Variants in ARSB observed in about 807,000 individuals in gnomAD.
The protein encoded by ARSB is N-acetylgalactosamine-4-sulfatase.
ARSB carries 41 observed loss-of-function variants against 50.9 expected under a neutral mutation model. The ratio of observed to expected loss-of-function variants is 0.81; its 90% confidence interval spans 0.63 to 1.04. The LOEUF is 1.04. Among genes scored for constraint, ARSB ranks in the 50% least tolerant of loss-of-function variants. The pLI, the probability that ARSB is intolerant of heterozygous loss-of-function variation, is 0.00. For synonymous variants in ARSB, 269 were observed against 284.8 expected, an observed-to-expected ratio of 0.94 and a Z score of 0.56; for missense variants, 672 against 693.3, an observed-to-expected ratio of 0.97 and a Z score of 0.35.
intron 3 of ARSB, among the ~76,000 whole-genome samples, chr5:78,955,740 T>TG (rs1751695103): frequency 2.0e-5 from 3 of 152,138 alleles, no homozygotes; most frequent in African/African-American, 7.2e-5. Context: ...AATAGCAATT[T>TG]CTCCAAAGAG....
At chr5:78,907,625 T>C (rs1749121440) in intron 4 of ARSB, among the ~76,000 whole-genome samples, 1 of 152,224 alleles carries the variant, frequency 6.6e-6, no homozygotes, top group Admixed American at 6.5e-5. Context: ...CAGTATCTAT[T>C]ATATTTTTTA....
At chr5:78,850,975 G>A (rs559722439) in intron 5 of ARSB, among the ~76,000 whole-genome samples, 14 of 152,040 alleles carry the variant, frequency 9.2e-5, no homozygotes, top group South Asian at 2.1e-4. Flanking sequence ...TCTTGCTAGC[G>A]GTCTATCAAT....
intron 4 of ARSB, among the ~76,000 whole-genome samples, chr5:78,951,843 A>G (rs1304599864): frequency 6.6e-6 from 1 of 152,238 alleles, no homozygotes; most frequent in Non-Finnish European, 1.5e-5. Flanking sequence ...ACTATTCCAG[A>G]GCATAGAAAA....
At chr5:78,891,232 G>C (rs1284459937) in intron 4 of ARSB, among the ~76,000 whole-genome samples, 1 of 152,208 alleles carries the variant, frequency 6.6e-6, no homozygotes, top group East Asian at 1.9e-4. Flanking sequence ...CAGCTACTCT[G>C]TGACCTTGAC....
chr5:78,860,680 C>T (rs188839341), intron 5 of ARSB, among the ~76,000 whole-genome samples: 70 of 152,096 alleles, frequency 4.6e-4, no homozygotes, highest in Admixed American at 3.2e-3. Context: ...AACTTGACAC[C>T]CTAACATCAC....
intron 5 of ARSB, among the ~76,000 whole-genome samples, chr5:78,858,770 T>C (rs1367795181): frequency 6.6e-6 from 1 of 152,212 alleles, no homozygotes; most frequent in Non-Finnish European, 1.5e-5. Context: ...TCCGACCTGT[T>C]AACCCTTTGG....
chr5:78,872,613 C>A (rs1379873594), intron 5 of ARSB, among the ~76,000 whole-genome samples: 1 of 135,942 alleles, frequency 7.4e-6, no homozygotes, highest in Non-Finnish European at 1.5e-5. Flanking sequence ...GGGAATTGAA[C>A]AATGAGATCA....
intron 6 of ARSB, among the ~76,000 whole-genome samples, chr5:78,836,095 A>C (rs770541288): frequency 6.6e-6 from 1 of 152,190 alleles, no homozygotes; most frequent in Non-Finnish European, 1.5e-5. Context: ...ATTTTTCCTC[A>C]TAAATGAATT....
At chr5:78,870,860 A>C (rs1389106935) in intron 5 of ARSB, among the ~76,000 whole-genome samples, 1 of 152,176 alleles carries the variant, frequency 6.6e-6, no homozygotes, top group African/African-American at 2.4e-5. Context: ...AATTAGGAAA[A>C]GAGGAAGTCA....
intron 6 of ARSB, among the ~76,000 whole-genome samples, chr5:78,801,706 G>A (rs531095279): frequency 4.6e-5 from 7 of 152,106 alleles, no homozygotes; most frequent in Non-Finnish European, 7.4e-5. Flanking sequence ...ATGTGAGTGC[G>A]GTTGGGAGCA....
chr5:78,818,421 A>G (rs756716164), intron 6 of ARSB, among the ~76,000 whole-genome samples: 2 of 152,182 alleles, frequency 1.3e-5, no homozygotes, highest in African/African-American at 2.4e-5. Flanking sequence ...AAAGTCCTGC[A>G]TCTGAGATAC....
intron 2 of ARSB, among the ~76,000 whole-genome samples, chr5:78,968,719 T>A (rs1561532801): frequency 6.6e-6 from 1 of 152,096 alleles, no homozygotes; most frequent in African/African-American, 2.4e-5. Flanking sequence ...CCCTTTTTGG[T>A]AATAAGGGTC....
intron 3 of ARSB, among the ~76,000 whole-genome samples, chr5:78,963,078 G>A (rs552468253): frequency 5.7e-4 from 87 of 152,316 alleles, no homozygotes; most frequent in East Asian, 3.3e-3. Context: ...TCATGGAGGT[G>A]GATCCCTCAC....
intron 6 of ARSB, 64 bp downstream of exon 6, chr5:78,839,291 TA>T: frequency 6.9e-7 from 1 of 1,450,364 alleles, no homozygotes. Context: ...AGAGACACAC[TA>T]GGTAATCAAA....
chr5:78,860,317 T>A (rs987242589), intron 5 of ARSB, among the ~76,000 whole-genome samples: 6 of 152,146 alleles, frequency 3.9e-5, no homozygotes, highest in African/African-American at 1.4e-4. Flanking sequence ...CTGTATTGGG[T>A]GCATATATAT....
At chr5:78,980,051 C>A (rs925529232) in intron 1 of ARSB, among the ~76,000 whole-genome samples, 2 of 152,092 alleles carry the variant, frequency 1.3e-5, no homozygotes, top group African/African-American at 4.8e-5. Context: ...TAGGTAAAGT[C>A]ACATAGATAA....
chr5:78,870,231 A>T (rs1037345598), intron 5 of ARSB, among the ~76,000 whole-genome samples: 1 of 142,980 alleles, frequency 7.0e-6, no homozygotes, highest in Non-Finnish European at 1.5e-5. Flanking sequence ...ATTCTACCAG[A>T]GGTACAAGGA....
At chr5:78,927,711 C>G (rs1750117632) in intron 4 of ARSB, among the ~76,000 whole-genome samples, 1 of 152,174 alleles carries the variant, frequency 6.6e-6, no homozygotes, top group Non-Finnish European at 1.5e-5. Context: ...TTCCTCAAAG[C>G]TGGGAAAAGG....
rs561514200 is a variant in ARSB at position 78,810,985 on chromosome 5, C to T, written c.1213+28371G>A. Among the ~76,000 whole-genome samples the T allele has an allele frequency of 2.0e-5, 3 of 152,300 alleles. No homozygotes were observed. In the South Asian group the frequency reaches 6.2e-4, roughly 32 times the overall value. ...TAAAGTTTCTATAGAAAATTCAGAT[C>T]CTACAATGTTAGATTAATTTAACAA... On this transcript the variant is annotated intron_variant, in intron 6 of 7. Transcript: ENST00000264914.
Sources: gnomAD v4.1 joint callset for allele counts (sites outside exome capture counted in the v4.1 genomes callset) on GRCh38, gnomAD v4.1.1 for gene constraint, MANE v1.5 for transcripts, NCBI Gene and HGNC (gene_info 2026-07-23, HGNC 2026-07-21) for gene names.